The following LYPD6B variants were observed in gnomAD, a reference collection of about 807,000 sequenced individuals.
LYPD6B encodes the protein ly6/PLAUR domain-containing protein 6B.
Under a neutral mutation model 22.8 loss-of-function variants are expected in LYPD6B, and 17 were observed. That is an observed-to-expected ratio of 0.75 (90% CI 0.51 to 1.12). LYPD6B has a LOEUF of 1.12. Among genes scored for constraint, LYPD6B ranks in the 50% most tolerant of loss-of-function variants. The pLI is 0.00. For synonymous variants in LYPD6B, 106 were observed against 91.6 expected, an observed-to-expected ratio of 1.16 and a Z score of -0.90; for missense variants, 221 against 258.3, an observed-to-expected ratio of 0.86 and a Z score of 0.99.
chr2:149,093,253 G>T (rs1383976084), intron 1 of LYPD6B, among the ~76,000 whole-genome samples: 1 of 152,058 alleles, frequency 6.6e-6, no homozygotes, highest in Non-Finnish European at 1.5e-5. Context: ...GTGTCGCATT[G>T]GTGGTGGAGG....
intron 3 of LYPD6B, among the ~76,000 whole-genome samples, chr2:149,162,640 G>T (rs1200652065): frequency 6.6e-6 from 1 of 152,158 alleles, no homozygotes; most frequent in Non-Finnish European, 1.5e-5. Flanking sequence ...TTGGCCTATG[G>T]AGAACAGCAG....
Position 149,130,909 on chromosome 2 carries a change from G to A in LYPD6B, c.-40G>A, listed in dbSNP as rs769633189. On this transcript the variant is annotated 5_prime_UTR_variant, in exon 2 of 7. Transcript: ENST00000409642. The stretch of plus-strand genomic sequence containing the variant: ...TATGCCACACTTCTGCCTGCTGTTG[G>A]CAACCCTCCTGGACTAGGCTGCTCT... 1.9e-5 allele frequency: 30 copies of A among 1,572,462 alleles called. 1 individual carries two copies. In the South Asian group the frequency reaches 2.3e-4, roughly 12 times the overall value.
intron 1 of LYPD6B, among the ~76,000 whole-genome samples, chr2:149,060,423 CT>C (rs1684023037): frequency 6.6e-6 from 1 of 152,146 alleles, no homozygotes; most frequent in African/African-American, 2.4e-5. Flanking sequence ...CTAGTTATCC[CT>C]TTTCTGGGAA....
Position 149,214,939 on chromosome 2 carries a change from C to T in LYPD6B, c.*229C>T. ...AGAAGATGGTCTGACTTCCAGGCTT[C>T]CTGGTCAAAGAGAGCTACGTTTGGG... On this transcript the variant is annotated 3_prime_UTR_variant, in exon 7 of 7. Transcript: ENST00000409642. The T allele has an allele frequency of 1.8e-6, 1 of 549,032 alleles. No individual in the cohort carries two copies. The highest frequency in any genetic ancestry group is 2.4e-5 in the South Asian group (1 of 42,376). The allele number at this position is 549,032 out of a possible 1,614,324, so 34.0% of individuals were successfully genotyped here.
At chr2:149,055,404 T>C (rs1228465313) in intron 1 of LYPD6B, among the ~76,000 whole-genome samples, 1 of 152,180 alleles carries the variant, frequency 6.6e-6, no homozygotes, top group Non-Finnish European at 1.5e-5. Flanking sequence ...GATGAGCTTG[T>C]TAATTTCTAC....
At chr2:149,080,030 C>A (rs16826483) in intron 1 of LYPD6B, among the ~76,000 whole-genome samples, 7,094 of 152,206 alleles carry the variant, frequency 0.047, 436 homozygotes, top group African/African-American at 0.14. Context: ...CCAAAGGGGA[C>A]TATGTAAGTA....
intron 5 of LYPD6B, among the ~76,000 whole-genome samples, chr2:149,211,927 G>C (rs991453255): frequency 6.6e-6 from 1 of 152,126 alleles, no homozygotes; most frequent in African/African-American, 2.4e-5. Flanking sequence ...GGGTAGAAAT[G>C]AGGTACTGTA....
intron 1 of LYPD6B, among the ~76,000 whole-genome samples, chr2:149,087,852 A>G (rs1448322114): frequency 1.3e-5 from 2 of 152,178 alleles, no homozygotes; most frequent in Non-Finnish European, 1.5e-5. Context: ...AGGAATTTGC[A>G]TTTTCAACAT....
At chr2:149,208,495 G>A in intron 5 of LYPD6B, 83 bp downstream of exon 5, 1 of 1,155,146 alleles carries the variant, frequency 8.7e-7, no homozygotes, top group South Asian at 1.3e-5. Flanking sequence ...TTAGGAATCA[G>A]ATGTATTTTT....
intron 3 of LYPD6B, among the ~76,000 whole-genome samples, chr2:149,176,896 T>C (rs1691348487): frequency 6.6e-6 from 1 of 152,132 alleles, no homozygotes; most frequent in Non-Finnish European, 1.5e-5. Context: ...AAACCAATAA[T>C]AACTCTGCTA....
chr2:149,070,202 C>T (rs1458530594), intron 1 of LYPD6B, among the ~76,000 whole-genome samples: 1 of 152,086 alleles, frequency 6.6e-6, no homozygotes, highest in Non-Finnish European at 1.5e-5. Context: ...CCCTAACACG[C>T]CAGCCATGCT....
intron 3 of LYPD6B, among the ~76,000 whole-genome samples, chr2:149,192,809 A>C (rs1692578914): frequency 6.6e-6 from 1 of 152,134 alleles, no homozygotes. Context: ...GGTAAATGCA[A>C]ATTGATCTGC....
chr2:149,058,881 A>G (rs1683934772), intron 1 of LYPD6B, among the ~76,000 whole-genome samples: 1 of 152,192 alleles, frequency 6.6e-6, no homozygotes, highest in African/African-American at 2.4e-5. Flanking sequence ...TAGCCTCCCA[A>G]AGTGCTGGGA....
At chr2:149,082,097 G>A (rs4667358) in intron 1 of LYPD6B, among the ~76,000 whole-genome samples, 52,847 of 152,066 alleles carry the variant, frequency 0.35, 10,894 homozygotes, top group Middle Eastern at 0.55. Flanking sequence ...TAACTTCCTC[G>A]ATGTTTGCAG....
chr2:149,208,629 T>G (rs1036668537), intron 5 of LYPD6B, among the ~76,000 whole-genome samples: 1 of 152,194 alleles, frequency 6.6e-6, no homozygotes, highest in Non-Finnish European at 1.5e-5. Context: ...GGAGAACACA[T>G]AGACCACAAT....
At chr2:149,190,558 AG>A (rs1692424810) in intron 3 of LYPD6B, among the ~76,000 whole-genome samples, 1 of 152,216 alleles carries the variant, frequency 6.6e-6, no homozygotes, top group Non-Finnish European at 1.5e-5. Context: ...TCTTCTCAAA[AG>A]GAGAGTGTTA....
At chr2:149,105,900 T>C (rs1686448799) in intron 1 of LYPD6B, among the ~76,000 whole-genome samples, 1 of 152,154 alleles carries the variant, frequency 6.6e-6, no homozygotes, top group Non-Finnish European at 1.5e-5. Flanking sequence ...TCTTTCACTA[T>C]TAAATAGTAT....
intron 1 of LYPD6B, among the ~76,000 whole-genome samples, chr2:149,042,618 T>A (rs895879718): frequency 6.6e-6 from 1 of 152,228 alleles, no homozygotes; most frequent in Non-Finnish European, 1.5e-5. Flanking sequence ...ATCTACTGTG[T>A]GCCAGACACT....
chr2:149,166,659 T>A (rs1156788855), intron 3 of LYPD6B, among the ~76,000 whole-genome samples: 1 of 152,178 alleles, frequency 6.6e-6, no homozygotes, highest in Admixed American at 6.5e-5. Context: ...TCTGACACCC[T>A]CATCGTCTTA....
Sources: allele counts gnomAD v4.1 joint callset (sites outside exome capture counted in the v4.1 genomes callset), GRCh38; gene constraint gnomAD v4.1.1; transcripts MANE v1.5; gene names NCBI Gene and HGNC (gene_info 2026-07-23, HGNC 2026-07-21).